INCENP: variants seen among roughly 807,000 people sequenced by gnomAD.
INCENP encodes inner centromere protein.
A neutral mutation model predicts 107.3 loss-of-function variants in INCENP; 43 were observed. That is an observed-to-expected ratio of 0.40 (90% confidence interval 0.31 to 0.52). The LOEUF is 0.52. Among genes scored for constraint, INCENP ranks in the 20% least tolerant of loss-of-function variants. The pLI is 0.53. For synonymous variants in INCENP, 488 were observed against 494.4 expected, an observed-to-expected ratio of 0.99 and a Z score of 0.17; for missense variants, 1,089 against 1,250.9, an observed-to-expected ratio of 0.87 and a Z score of 1.95.
rs903362633 is a variant in INCENP at position 62,153,079 on chromosome 11, A to G, written c.*1103A>G. ...TAAGTTGTGCAGCAGAGGCCCCTCC[A>G]TGCAAAGCTGAATATGTTTACTATT... On this transcript the variant is annotated 3_prime_UTR_variant, in exon 19 of 19. Transcript: ENST00000394818. The G allele has an allele frequency of 5.3e-5, 8 of 152,248 alleles. No homozygotes were observed. Among genetic ancestry groups the G allele is most frequent in the Non-Finnish European group, 8.8e-5 (6 of 68,050 alleles). 9.4% of individuals were successfully genotyped at this position (152,248 alleles called of 1,614,324 possible).
chr11:62,131,232 G>C (rs777938238), intron 4 of INCENP, among the ~76,000 whole-genome samples: 21 of 152,238 alleles, frequency 1.4e-4, no homozygotes, highest in Non-Finnish European at 2.9e-4. Context: ...CCACCCTGCA[G>C]CCTGGGGCAG....
intron 15 of INCENP, among the ~76,000 whole-genome samples, 180 bp downstream of exon 15, chr11:62,147,082 A>G (rs1344375662): frequency 2.0e-5 from 3 of 152,176 alleles, no homozygotes; most frequent in African/African-American, 7.2e-5. Flanking sequence ...AAGGAGTGAT[A>G]GGTGGGCTTG....
At chr11:62,124,546 C>A (rs1311346582) in intron 1 of INCENP, among the ~76,000 whole-genome samples, 2 of 152,242 alleles carry the variant, frequency 1.3e-5, no homozygotes, top group African/African-American at 4.8e-5. Context: ...TCAACGCCCC[C>A]GCCCCCAGCT....
At chr11:62,146,565 T>C in intron 14 of INCENP, 93 bp from the exon 15 acceptor site, 1 of 1,508,070 alleles carries the variant, frequency 6.6e-7, no homozygotes, top group Non-Finnish European at 8.9e-7. Flanking sequence ...GTGGCTGATA[T>C]GAGGGGCACC....
Position 62,152,047 on chromosome 11 carries a change from C to T in INCENP, c.*71C>T. On this transcript the variant is annotated 3_prime_UTR_variant, in exon 19 of 19. Coordinates refer to ENST00000394818, the MANE Select transcript of INCENP (RefSeq NM_001040694.2). ...TATCTGTCTGTCTGTCGGTCTCTGT[C>T]TTGGTCTGTTGCCCTCCTTCTTGGC... 2 of 1,219,874 alleles carry T rather than the reference C, an allele frequency of 1.6e-6. No individual in the cohort carries two copies. Among genetic ancestry groups the T allele is most frequent in the Non-Finnish European group, 2.3e-6 (2 of 860,354 alleles). 75.6% of individuals were successfully genotyped at this position (1,219,874 alleles called of 1,614,324 possible).
intron 14 of INCENP, 102 bp downstream of exon 14, chr11:62,145,853 A>G: frequency 5.1e-6 from 7 of 1,370,468 alleles, no homozygotes; most frequent in Non-Finnish European, 5.9e-6. Context: ...GGGTTGACCC[A>G]GACCATCTTG....
At chr11:62,138,635 G>A (rs2134645189) in intron 5 of INCENP, 78 bp from the exon 6 acceptor site, 1 of 1,416,324 alleles carries the variant, frequency 7.1e-7, no homozygotes, top group Non-Finnish European at 9.9e-7. Context: ...CCCCATCCCT[G>A]GAATGGTAGA....
At chr11:62,124,728 A>G (rs1423363183) in intron 1 of INCENP, among the ~76,000 whole-genome samples, 1 of 152,198 alleles carries the variant, frequency 6.6e-6, no homozygotes, top group African/African-American at 2.4e-5. Flanking sequence ...AGAAGGCGGT[A>G]TAGCCAGTGG....
intron 18 of INCENP, 142 bp downstream of exon 18, chr11:62,150,349 G>T: frequency 4.9e-6 from 4 of 814,088 alleles, no homozygotes; most frequent in Non-Finnish European, 7.7e-6. Flanking sequence ...CTAGCCTTGG[G>T]TATGCATGTG....
At position 62,153,165 on chromosome 11, in the gene INCENP, A is replaced by T. The variant is rs557625860; in HGVS notation, c.*1189A>T. On this transcript the variant is annotated 3_prime_UTR_variant, in exon 19 of 19. Transcript: ENST00000394818. ...AAAGCCTAAATCCAAGAACACTTTT[A>T]AAAATGAGGAAATAGTGAACACAAT... 2 of 152,382 alleles carry T rather than the reference A, an allele frequency of 1.3e-5. No homozygotes were observed. Among genetic ancestry groups the T allele is most frequent in the East Asian group, 1.9e-4 (1 of 5,192 alleles). 9.4% of individuals were successfully genotyped at this position (152,382 alleles called of 1,614,324 possible).
rs370984424 is a variant in INCENP at position 62,134,359 on chromosome 11, G to A, written c.1064-3473G>A. Among the ~76,000 whole-genome samples, 253 of 144,930 alleles carry A rather than the reference G, an allele frequency of 1.7e-3. 3 individuals carry two copies. Among genetic ancestry groups the A allele is most frequent in the African/African-American group, 6.3e-3 (242 of 38,126 alleles). ...ACCCAGGAGGTCGAGGCTGCACTGA[G>A]CTGAGATTGTGCCACTGCACTCCAG... On this transcript the variant is annotated intron_variant, in intron 4 of 18. Coordinates refer to ENST00000394818, the MANE Select transcript of INCENP (RefSeq NM_001040694.2).
rs557768254 is a variant in INCENP at position 62,129,737 on chromosome 11, C to A, written c.255-45C>A. On this transcript the variant is annotated intron_variant, in intron 3 of 18. Coordinates refer to ENST00000394818, the MANE Select transcript of INCENP (RefSeq NM_001040694.2). ...GCTCTTGGAGAGACTGGGTGCCACC[C>A]TGTCCTGCTGCCCGTCTCAGCCTCT... The A allele has an allele frequency of 4.6e-6, 7 of 1,509,274 alleles. No individual in the cohort carries two copies. The African/African-American group carries it at 6.8e-5, about 15-fold the overall frequency. 93.5% of individuals were successfully genotyped at this position (1,509,274 alleles called of 1,614,324 possible).
Position 62,145,659 on chromosome 11 carries a change from G to T in INCENP, c.1867G>T (p.Ala623Ser), listed in dbSNP as rs770272610. The change falls in exon 14 of 19, where the codon GCC (alanine) becomes TCC (serine). Residue 623 changes from alanine (A) to serine (S), a missense_variant. Coordinates refer to ENST00000394818, the MANE Select transcript of INCENP (RefSeq NM_001040694.2). ...GGAGGAGCGGCTGGCAGAGGAGAAG[G>T]CCAAGAAAAAGGCGGCGGCCAAGAA... Reference protein sequence around the residue: ...AKEERLAEEKAKKKAAAKKME... With the variant: ...AKEERLAEEKSKKKAAAKKME... The T allele has an allele frequency of 1.5e-5, 24 of 1,586,398 alleles. No individual in the cohort carries two copies. Among genetic ancestry groups the T allele is most frequent in the Non-Finnish European group, 2.0e-5 (23 of 1,166,540 alleles).
chr11:62,148,579 C>A (rs1031562344), intron 16 of INCENP, 25 bp downstream of exon 16: 6 of 1,586,662 alleles, frequency 3.8e-6, no homozygotes, highest in Non-Finnish European at 5.1e-6. Flanking sequence ...GTTGCGGGCT[C>A]CCCTGGGGTC....
At chr11:62,126,894 T>A (rs1382221552) in intron 1 of INCENP, among the ~76,000 whole-genome samples, 1 of 152,246 alleles carries the variant, frequency 6.6e-6, no homozygotes, top group Admixed American at 6.5e-5. Context: ...AAAGAGTCTA[T>A]ACATGTTCAG....
chr11:62,141,067 G>A (rs766038756), intron 10 of INCENP, 23 bp downstream of exon 10: 31 of 1,603,680 alleles, frequency 1.9e-5, no homozygotes, highest in East Asian at 1.3e-4. Flanking sequence ...TGCCCAGGCC[G>A]GGCTTTGTGG....
chr11:62,142,030 T>C (rs1944136157), intron 11 of INCENP, among the ~76,000 whole-genome samples: 1 of 152,140 alleles, frequency 6.6e-6, no homozygotes, highest in South Asian at 2.1e-4. Context: ...TGGTAGCGTC[T>C]AGAAACAAGT....
In INCENP at chr11:62,145,797, G is replaced by A. The variant is rs190152548; in HGVS notation, c.1959+46G>A. ...CAGGGAGGAGGTGGGCGGGGTGGGC[G>A]CTGTCTCAGCACCATGGGGCCCTAC... is the stretch of plus-strand genomic sequence containing the variant. On this transcript the variant is annotated intron_variant, in intron 14 of 18. Transcript: ENST00000394818. 87 of 1,532,700 alleles carry A rather than the reference G, an allele frequency of 5.7e-5. No individual in the cohort carries two copies. In the East Asian group the frequency reaches 5.9e-4, roughly 10 times the overall value. The allele number at this position is 1,532,700 out of a possible 1,614,324, so 94.9% of individuals were successfully genotyped here. A position where few individuals can be genotyped will look rare whatever the true frequency, so the allele number is the denominator to read the frequency against.
chr11:62,148,327 C>T, intron 15 of INCENP, 149 bp from the exon 16 acceptor site: 1 of 691,014 alleles, frequency 1.4e-6, no homozygotes, highest in South Asian at 1.9e-5. Flanking sequence ...AAAAGCGCAG[C>T]TCTTGGCTCT....
Sources: gnomAD v4.1 joint callset for allele counts (sites outside exome capture counted in the v4.1 genomes callset) on GRCh38, gnomAD v4.1.1 for gene constraint, MANE v1.5 for transcripts, NCBI Gene and HGNC (gene_info 2026-07-23, HGNC 2026-07-21) for gene names.